The following MED12 variants were observed in gnomAD, a reference collection of about 807,000 sequenced individuals.
MED12 encodes mediator of RNA polymerase II transcription subunit 12.
A neutral mutation model predicts 177.7 loss-of-function variants in MED12; 10 were observed. That is an observed-to-expected ratio of 0.06 (90% CI 0.03 to 0.10). The LOEUF (loss-of-function observed/expected upper bound fraction) is 0.10, where lower values mean the gene tolerates loss of function less well. Ranked by LOEUF, MED12 falls within the 10% of genes least tolerant of loss-of-function variation. MED12 has a pLI of 1.00. For missense variants in MED12, 867 were observed against 1,780.8 expected (o/e 0.49, Z 9.23); for synonymous variants, 641 against 678.4 (o/e 0.94, Z 0.86).
In MED12 at chrX:71,137,041, C is replaced by G; in HGVS notation, c.5551+12C>G. 1 of 1,192,526 alleles carries G rather than the reference C, an allele frequency of 8.4e-7. No individual in the cohort carries two copies. Among genetic ancestry groups the G allele is most frequent in the African/African-American group, 1.7e-5 (1 of 57,294 alleles). ...GCCACTACCTGCAGGTGAGTGCCAG[C>G]CACTAGGAATGCTGGAGGGACCTAC... On this transcript the variant is annotated intron_variant, in intron 38 of 44. Transcript: ENST00000374080.
intron 1 of MED12, 63 bp from the exon 2 acceptor site, chrX:71,119,310 C>A: frequency 1.2e-6 from 1 of 820,377 alleles, no homozygotes; most frequent in Non-Finnish European, 1.8e-6. Flanking sequence ...TCCTGCCCTA[C>A]TCTCCCACCC....
At chrX:71,138,950 C>T (rs1386267787) in intron 41 of MED12, among the ~76,000 whole-genome samples, 3 of 111,166 alleles carry the variant, frequency 2.7e-5, no homozygotes, top group Non-Finnish European at 5.7e-5. Context: ...TGTATAGAGA[C>T]TCTGAAGCTT....
rs185290221 is a variant in MED12 at position 71,125,273 on chromosome X, G to A, written c.2227-78G>A. The A allele has an allele frequency of 2.5e-6, 3 of 1,197,307 alleles. No individual in the cohort carries two copies. The East Asian group carries it at 8.9e-5, about 36-fold the overall frequency. ...AAGGGAAGGGCTTTAGCATGTGGAT[G>A]CTGAGGGGTGTGGAGCATGCTTTCA... On this transcript the variant is annotated intron_variant, in intron 15 of 44. Coordinates refer to ENST00000374080, the MANE Select transcript of MED12 (RefSeq NM_005120.3).
In MED12 at chrX:71,136,277, G is replaced by T; in HGVS notation, c.5026-4G>T. The T allele has an allele frequency of 8.3e-7, 1 of 1,211,512 alleles. No individual in the cohort carries two copies. Among genetic ancestry groups the T allele is most frequent in the Non-Finnish European group, 1.1e-6 (1 of 895,465 alleles). On this transcript the variant is annotated splice_region_variant and splice_polypyrimidine_tract_variant and intron_variant, in intron 36 of 44. Transcript: ENST00000374080. Reference sequence around the variant, plus strand: ...AGCTTATTGTTTTTCATTTTCTGGAGCAGGGTCTACAGGTTTCCACCAAAC... The same window carrying T: ...AGCTTATTGTTTTTCATTTTCTGGATCAGGGTCTACAGGTTTCCACCAAAC...
Position 71,121,526 on chromosome X carries a change from A to G in MED12, c.847-36A>G, listed in dbSNP as rs775520886. The stretch of plus-strand genomic sequence containing the variant: ...AAAATGTTAGAGCAGGGTCCCCTGG[A>G]GAGAACTAGGGGCTCTGATGGTCGT... On this transcript the variant is annotated intron_variant, in intron 6 of 44. Coordinates refer to ENST00000374080, the MANE Select transcript of MED12 (RefSeq NM_005120.3). The G allele has an allele frequency of 4.9e-5, 59 of 1,208,897 alleles. 1 individual carries two copies. Among genetic ancestry groups the G allele is most frequent in the Non-Finnish European group, 6.5e-5 (58 of 894,508 alleles).
In MED12 at chrX:71,136,989, C is replaced by T. The variant is rs1203496079; in HGVS notation, c.5511C>T (p.Gly1837=). ...GSITHLNYRQ[G]SIGLYTQNQP... is the part of the protein sequence containing the mutation. ...TAACACACCTTAACTACAGGCAAGG[C>T]TCCATAGGCCTGTACACCCAGAACC... is the stretch of plus-strand genomic sequence containing the variant. The change falls in exon 38 of 45, where the codon GGC becomes GGT. Residue 1837 remains glycine, a synonymous_variant. Coordinates refer to ENST00000374080, the MANE Select transcript of MED12 (RefSeq NM_005120.3). The T allele has an allele frequency of 3.3e-6, 4 of 1,202,341 alleles. No homozygotes were observed. The Admixed American group carries it at 6.7e-5, about 20-fold the overall frequency.
chrX:71,137,390 A>G lies in MED12; in HGVS notation c.5748+7A>G. ...CCTTCGCCAACAGCTCCAGGCAAAG[A>G]TAGTGAGAGGGGCAGTAGGGAGGGC... is the stretch of plus-strand genomic sequence containing the variant. On this transcript the variant is annotated splice_region_variant and intron_variant, in intron 39 of 44. Transcript: ENST00000374080. The G allele has an allele frequency of 8.3e-7, 1 of 1,210,576 alleles. No homozygotes were observed. The highest frequency in any genetic ancestry group is 1.8e-5 in the South Asian group (1 of 56,872).
intron 2 of MED12, 39 bp from the exon 3 acceptor site, chrX:71,119,647 C>T: frequency 8.4e-7 from 1 of 1,192,852 alleles, no homozygotes; most frequent in Non-Finnish European, 1.1e-6. Flanking sequence ...ACCTGTCTGC[C>T]CCTTCTTCCC....
chrX:71,132,244 G>GT, intron 30 of MED12, 38 bp downstream of exon 30: 1 of 1,198,352 alleles, frequency 8.3e-7, no homozygotes, highest in Non-Finnish European at 1.1e-6. Context: ...CCCCTTAGGA[G>GT]TTTATCTGCT....
rs1431487428 is a variant in MED12, at chrX:71,122,512, G to A, written c.1253G>A (p.Arg418His). 3 of 1,208,548 alleles carry A rather than the reference G, an allele frequency of 2.5e-6. No homozygotes were observed. Among genetic ancestry groups the A allele is most frequent in the Non-Finnish European group, 3.4e-6 (3 of 893,799 alleles). The change falls in exon 9 of 45, where the codon CGT (arginine) becomes CAT (histidine). Residue 418 changes from arginine (R) to histidine (H), a missense_variant. Physicochemically the swap from Arg to His is conservative, Grantham distance 29. Coordinates refer to ENST00000374080, the MANE Select transcript of MED12 (RefSeq NM_005120.3). ...CCTTCCTTTTTAACATTGCAGGTCCGTGCAAAGTTGCGGGAGATCGAGCAG... is the reference window on the plus strand; with the variant it reads ...CCTTCCTTTTTAACATTGCAGGTCCATGCAAAGTTGCGGGAGATCGAGCAG... ...EGNSAFTQQV[R>H]AKLREIEQQI...
chrX:71,127,978 A>G lies in MED12; in HGVS notation c.3067A>G (p.Ile1023Val), dbSNP rs879255526. The G allele has an allele frequency of 3.3e-6, 4 of 1,211,123 alleles. No homozygotes were observed. The highest frequency in any genetic ancestry group is 3.0e-5 in the East Asian group (1 of 33,845). Reference sequence around the variant, plus strand: ...TATGCGCTGGGCACCTGAGTTCATGATCGACACTCTAGAGAACCCTGCAGC... The same window carrying G: ...TATGCGCTGGGCACCTGAGTTCATGGTCGACACTCTAGAGAACCCTGCAGC... Reference protein sequence around the residue: ...SNMRWAPEFMIDTLENPAAHT... With the variant: ...SNMRWAPEFMVDTLENPAAHT... Residue 1023 changes from isoleucine (I) to valine (V), a missense_variant, in exon 22 of 45, where the codon ATC (isoleucine) becomes GTC (valine). Transcript: ENST00000374080.
At chrX:71,122,464 T>C in intron 8 of MED12, 44 bp from the exon 9 acceptor site, 1 of 1,188,480 alleles carries the variant, frequency 8.4e-7, no homozygotes, top group Non-Finnish European at 1.1e-6. Context: ...TGGCCTTTTA[T>C]ATGCCTTGGT....
At chrX:71,123,069 C>G (rs772815186) in intron 10 of MED12, 26 bp from the exon 11 acceptor site, 1 of 1,208,421 alleles carries the variant, frequency 8.3e-7, no homozygotes, top group East Asian at 3.0e-5. Context: ...CTACCTTACT[C>G]CTCCTTCTCT....
rs200301833 is a variant in MED12 at position 71,119,486 on chromosome X, ACT to A, written c.204+12_204+13del. On this transcript the variant is annotated intron_variant, in intron 2 of 44. Coordinates refer to ENST00000374080, the MANE Select transcript of MED12 (RefSeq NM_005120.3). The stretch of plus-strand genomic sequence containing the variant: ...GCTTCAATCCTGCCAAGGTGAGACA[ACT>A]CTGCCAGGCTGAAGGAAAAGGCTGG... 1.1e-3 allele frequency: 1,281 copies of A among 1,171,464 alleles called. 6 individuals are homozygous for A. The African/African-American group carries it at 0.02, about 19-fold the overall frequency.
chrX:71,118,689 TC>T lies in MED12; in HGVS notation c.-61del, dbSNP rs2092281094. On this transcript the variant is annotated 5_prime_UTR_variant, in exon 1 of 45. Transcript: ENST00000374080. ...CACCGCCCCCCTTTTCGGCTCCCTC[TC>T]CCCCTTCCCGTTCCCCCAGTCAGCC... 1 of 1,066,937 alleles carries T rather than the reference TC, an allele frequency of 9.4e-7. No homozygotes were observed. The highest frequency in any genetic ancestry group is 1.3e-6 in the Non-Finnish European group (1 of 782,549). The allele number at this position is 1,066,937 out of a possible 1,213,427, so 87.9% of individuals were successfully genotyped here. A position where few individuals can be genotyped will look rare whatever the true frequency, so the allele number is the denominator to read the frequency against.
At position 71,132,869 on chromosome X, in the gene MED12, C is replaced by G; in HGVS notation, c.4440C>G (p.Pro1480=). 1 of 1,184,706 alleles carries G rather than the reference C, an allele frequency of 8.4e-7. No homozygotes were observed. Among genetic ancestry groups the G allele is most frequent in the Non-Finnish European group, 1.1e-6 (1 of 881,221 alleles). Reference sequence around the variant, plus strand: ...GCATGTCCCTATTGAGCCAGCAGCCCTTCTTATCGCTGGTGCTAACATGTC... The same window carrying G: ...GCATGTCCCTATTGAGCCAGCAGCCGTTCTTATCGCTGGTGCTAACATGTC... The part of the protein sequence containing the change: ...QKSMSLLSQQ[P]FLSLVLTCLK... The change falls in exon 32 of 45, where the codon CCC becomes CCG. Residue 1480 remains proline, a synonymous_variant. Transcript: ENST00000374080.
At chrX:71,140,576 A>C in intron 41 of MED12, 59 bp from the exon 42 acceptor site, 3 of 1,210,822 alleles carry the variant, frequency 2.5e-6, no homozygotes, top group Non-Finnish European at 2.2e-6. Context: ...CAAGGTTTAT[A>C]CTGACCCCCT....
chrX:71,141,087 C>T (rs2147841069), intron 42 of MED12, 143 bp from the exon 43 acceptor site: 1 of 1,096,577 alleles, frequency 9.1e-7, no homozygotes, highest in Admixed American at 2.7e-5. Flanking sequence ...GATTTGGTTT[C>T]TTTCTGTGCA....
intron 32 of MED12, 74 bp downstream of exon 32, chrX:71,133,030 G>A (rs2092322673): frequency 9.6e-7 from 1 of 1,041,029 alleles, no homozygotes; most frequent in Non-Finnish European, 1.3e-6. Flanking sequence ...TCTGTACTTG[G>A]AAACTTCAGT....
Sources: allele counts gnomAD v4.1 joint callset (sites outside exome capture counted in the v4.1 genomes callset), GRCh38; gene constraint gnomAD v4.1.1; transcripts MANE v1.5; gene names NCBI Gene and HGNC (gene_info 2026-07-23, HGNC 2026-07-21).